The following CNTN1 variants were observed in gnomAD, a reference collection of about 807,000 sequenced individuals.
CNTN1 encodes the protein contactin 1.
Under a neutral mutation model 126.4 loss-of-function variants are expected in CNTN1, and 38 were observed. The ratio of observed to expected loss-of-function variants is 0.30; its 90% CI spans 0.23 to 0.39. CNTN1 has a LOEUF of 0.39. Ranked by LOEUF, CNTN1 falls within the 10% of genes least tolerant of loss-of-function variation. The pLI, the probability that CNTN1 is intolerant of heterozygous loss-of-function variation, is 1.00. For missense variants in CNTN1, 1,009 were observed against 1,248.4 expected, an observed-to-expected ratio of 0.81 and a Z score of 2.89; for synonymous variants, 413 against 422.6, an observed-to-expected ratio of 0.98 and a Z score of 0.28.
intron 23 of CNTN1, 104 bp downstream of exon 23, chr12:41,029,323 T>C (rs1949095515): frequency 3.1e-6 from 4 of 1,294,216 alleles, no homozygotes; most frequent in African/African-American, 2.9e-5. Flanking sequence ...GTGTCCATAT[T>C]TTCCTAAGTA....
chr12:40,954,916 GT>G (rs1946818901), intron 14 of CNTN1, among the ~76,000 whole-genome samples: 1 of 152,052 alleles, frequency 6.6e-6, no homozygotes, highest in South Asian at 2.1e-4. Context: ...TCTGTCCAGA[GT>G]TTTTGGGGGG....
chr12:40,953,526 C>T (rs563898157), intron 14 of CNTN1, among the ~76,000 whole-genome samples: 13 of 151,990 alleles, frequency 8.6e-5, no homozygotes, highest in Non-Finnish European at 1.6e-4. Flanking sequence ...TTTCTTCTTT[C>T]CTTCTGAGAA....
At chr12:40,969,421 A>G (rs1274478912) in intron 15 of CNTN1, among the ~76,000 whole-genome samples, 2 of 152,124 alleles carry the variant, frequency 1.3e-5, no homozygotes, top group African/African-American at 2.4e-5. Context: ...ATACACAGAG[A>G]GAGAAAGAAA....
chr12:40,763,158 G>T (rs930524184), intron 1 of CNTN1: 1 of 152,238 alleles, frequency 6.6e-6, no homozygotes, highest in African/African-American at 2.4e-5. Flanking sequence ...CTGACCAGAA[G>T]CAAACGCTAG....
chr12:40,805,406 A>C (rs1940812581), intron 1 of CNTN1, among the ~76,000 whole-genome samples: 1 of 151,962 alleles, frequency 6.6e-6, no homozygotes, highest in African/African-American at 2.4e-5. Context: ...GGCTATCCTT[A>C]AGTTCATTGA....
At chr12:40,951,721 A>AT (rs1304178292) in intron 14 of CNTN1, among the ~76,000 whole-genome samples, 1 of 147,168 alleles carries the variant, frequency 6.8e-6, no homozygotes, top group Non-Finnish European at 1.5e-5. Context: ...AATTTAAAAA[A>AT]AAAAAAAAAA....
At chr12:41,051,032 A>G (rs978974270) in intron 23 of CNTN1, among the ~76,000 whole-genome samples, 2 of 152,186 alleles carry the variant, frequency 1.3e-5, no homozygotes, top group South Asian at 2.1e-4. Context: ...TTGAGAATGC[A>G]TGCTCGGTGG....
At chr12:40,721,102 A>C (rs1942197140) in intron 1 of CNTN1, among the ~76,000 whole-genome samples, 1 of 152,154 alleles carries the variant, frequency 6.6e-6, no homozygotes, top group African/African-American at 2.4e-5. Context: ...CAAATGCATT[A>C]GTTGAATCTC....
chr12:41,051,995 T>C (rs1949698683), intron 23 of CNTN1, among the ~76,000 whole-genome samples: 1 of 151,700 alleles, frequency 6.6e-6, no homozygotes, highest in South Asian at 2.1e-4. Context: ...ATATTACTTA[T>C]TGGAATGTAT....
intron 19 of CNTN1, among the ~76,000 whole-genome samples, chr12:41,017,908 A>G (rs187943760): frequency 1.3e-5 from 2 of 152,148 alleles, no homozygotes; most frequent in Admixed American, 1.3e-4. Flanking sequence ...TGTGACCAAC[A>G]TGGAGAAACC....
At chr12:40,897,209 G>C (rs568004386) in intron 1 of CNTN1, among the ~76,000 whole-genome samples, 1 of 152,174 alleles carries the variant, frequency 6.6e-6, no homozygotes, top group South Asian at 2.1e-4. Flanking sequence ...GTTTTTGGAG[G>C]TCAAATTGAC....
chr12:41,009,500 G>A (rs1462933205), intron 17 of CNTN1, among the ~76,000 whole-genome samples: 1 of 152,162 alleles, frequency 6.6e-6, no homozygotes, highest in South Asian at 2.1e-4. Context: ...CCACAGACCT[G>A]TGTTAAAACT....
chr12:40,806,971 C>A (rs73114717), intron 1 of CNTN1, among the ~76,000 whole-genome samples: 3,464 of 152,110 alleles, frequency 0.023, 127 homozygotes, highest in African/African-American at 0.078. Flanking sequence ...CTTTCTACAT[C>A]CTAAATGAAG....
In CNTN1 at chr12:40,949,961, G is replaced by A. The variant is rs1592308329; in HGVS notation, c.1683+5791G>A. ...ACGGTTGGGCAATAATCCTTGGTAA[G>A]AATCAGATTCGAGCCGAAAAAAATT... is the stretch of plus-strand genomic sequence containing the variant. On this transcript the variant is annotated intron_variant, in intron 14 of 23. Coordinates refer to ENST00000551295, the MANE Select transcript of CNTN1 (RefSeq NM_001843.4). Among the ~76,000 whole-genome samples the A allele has an allele frequency of 2.6e-5, 4 of 152,176 alleles. 1 individual carries two copies. The highest frequency in any genetic ancestry group is 2.6e-4 in the Admixed American group (4 of 15,274).
intron 1 of CNTN1, among the ~76,000 whole-genome samples, chr12:40,759,339 CTGAT>C (rs1376257896): frequency 1.3e-5 from 2 of 152,108 alleles, no homozygotes; most frequent in African/African-American, 4.8e-5. Context: ...CAAGGGAGCT[CTGAT>C]TGGTTGGTTT....
chr12:40,826,236 T>C (rs1224039309), intron 1 of CNTN1, among the ~76,000 whole-genome samples: 2 of 152,182 alleles, frequency 1.3e-5, no homozygotes, highest in East Asian at 1.9e-4. Context: ...AATAAAATGA[T>C]CTTTTTATAT....
chr12:40,993,770 G>T (rs1283703698), intron 17 of CNTN1, among the ~76,000 whole-genome samples: 1 of 152,018 alleles, frequency 6.6e-6, no homozygotes, highest in Non-Finnish European at 1.5e-5. Flanking sequence ...CAAAATTTTA[G>T]GTTTGATATT....
chr12:41,034,964 C>G (rs574879789), intron 23 of CNTN1, among the ~76,000 whole-genome samples: 59 of 152,298 alleles, frequency 3.9e-4, no homozygotes, highest in African/African-American at 1.4e-3. Context: ...TGGACAACTC[C>G]CAGCACAGGG....
At chr12:40,718,349 T>G (rs757653171) in intron 1 of CNTN1, among the ~76,000 whole-genome samples, 1 of 152,116 alleles carries the variant, frequency 6.6e-6, no homozygotes, top group African/African-American at 2.4e-5. Context: ...TTTTTTTTCT[T>G]TTTTGTATTT....
Sources: gnomAD v4.1 joint callset for allele counts (sites outside exome capture counted in the v4.1 genomes callset) on GRCh38, gnomAD v4.1.1 for gene constraint, MANE v1.5 for transcripts, NCBI Gene and HGNC (gene_info 2026-07-23, HGNC 2026-07-21) for gene names.